The following DOCK9 variants were observed in gnomAD, a reference collection of about 807,000 sequenced individuals.
DOCK9 encodes dedicator of cytokinesis protein 9.
Under a neutral mutation model 263.3 loss-of-function variants are expected in DOCK9, and 89 were observed. That is an observed-to-expected ratio of 0.34 (90% CI 0.28 to 0.40). DOCK9 has a LOEUF of 0.40. DOCK9 is among the 10% of genes least tolerant of loss of function. The pLI, the probability that DOCK9 is intolerant of heterozygous loss-of-function variation, is 1.00. For synonymous variants in DOCK9, 976 were observed against 973.1 expected (o/e 1.00, Z -0.06); for missense variants, 2,140 against 2,603.4 (o/e 0.82, Z 3.87).
intron 1 of DOCK9, among the ~76,000 whole-genome samples, chr13:98,988,780 G>C (rs1048918497): frequency 1.3e-5 from 2 of 152,220 alleles, no homozygotes; most frequent in Non-Finnish European, 1.5e-5. Context: ...CATAAATGAA[G>C]CTCCTCATGG....
In DOCK9 at chr13:98,846,075, A is replaced by G. The variant is rs1566694043; in HGVS notation, c.4062-15T>C. The G allele has an allele frequency of 6.4e-7, 1 of 1,559,842 alleles. No homozygotes were observed. Among genetic ancestry groups the G allele is most frequent in the African/African-American group, 1.4e-5 (1 of 73,784 alleles). On this transcript the variant is annotated splice_polypyrimidine_tract_variant and intron_variant, in intron 37 of 52. Transcript: ENST00000682017. Reference sequence around the variant, plus strand: ...CCTCCTGGTTCCTGCAACATGAGTGAAATGGGATAGAAGCAAAAGTTAGAC... The same window carrying G: ...CCTCCTGGTTCCTGCAACATGAGTGGAATGGGATAGAAGCAAAAGTTAGAC...
intron 9 of DOCK9, among the ~76,000 whole-genome samples, chr13:98,908,374 G>A (rs1470831317): frequency 6.6e-6 from 1 of 151,992 alleles, no homozygotes; most frequent in Non-Finnish European, 1.5e-5. Context: ...CCACATTGGG[G>A]AATTTCTCCT....
At chr13:99,024,206 G>A (rs191138179) in intron 1 of DOCK9, among the ~76,000 whole-genome samples, 2 of 152,154 alleles carry the variant, frequency 1.3e-5, no homozygotes, top group Non-Finnish European at 2.9e-5. Flanking sequence ...ACATCTGCAA[G>A]GGCTGATGGC....
At chr13:98,836,823 C>A (rs1385306340) in intron 39 of DOCK9, among the ~76,000 whole-genome samples, 1 of 152,140 alleles carries the variant, frequency 6.6e-6, no homozygotes, top group Admixed American at 6.5e-5. Flanking sequence ...TTCCCAAACA[C>A]CCTTGCAAAT....
At chr13:99,082,551 A>G (rs2042167471) in intron 1 of DOCK9, among the ~76,000 whole-genome samples, 1 of 115,170 alleles carries the variant, frequency 8.7e-6, no homozygotes, top group Non-Finnish European at 1.7e-5. Flanking sequence ...AAATAAATAA[A>G]TAAATAAATA....
intron 1 of DOCK9, among the ~76,000 whole-genome samples, chr13:99,016,289 C>T (rs1885403789): frequency 1.3e-5 from 2 of 152,202 alleles, no homozygotes; most frequent in Admixed American, 1.3e-4. Flanking sequence ...ATCTTTTGCA[C>T]GTATGGATAA....
intron 1 of DOCK9, among the ~76,000 whole-genome samples, chr13:99,074,639 G>C (rs986335518): frequency 3.3e-4 from 6 of 18,094 alleles, no homozygotes; most frequent in Non-Finnish European, 5.1e-4. Context: ...AACAACAGAT[G>C]AGCCAATCAA....
chr13:98,800,266 C>T (rs1238638452), intron 50 of DOCK9, 22 bp downstream of exon 50: 9 of 1,567,654 alleles, frequency 5.7e-6, no homozygotes, highest in African/African-American at 4.1e-5. Context: ...TGCTGCCCTC[C>T]GGCCTGCTGT....
chr13:98,814,533 G>A (rs536423303), intron 45 of DOCK9, among the ~76,000 whole-genome samples: 9 of 151,630 alleles, frequency 5.9e-5, no homozygotes, highest in African/African-American at 1.9e-4. Context: ...AGCCTCCCAA[G>A]TAGCTGGGAT....
chr13:98,865,079 G>C (rs1322994824), intron 30 of DOCK9, among the ~76,000 whole-genome samples: 1 of 152,100 alleles, frequency 6.6e-6, no homozygotes, highest in Non-Finnish European at 1.5e-5. Context: ...TTTTGAGAGA[G>C]GGTCTTGCTC....
intron 1 of DOCK9, among the ~76,000 whole-genome samples, chr13:99,044,833 C>A (rs1387029278): frequency 6.6e-6 from 1 of 152,200 alleles, no homozygotes; most frequent in East Asian, 1.9e-4. Context: ...CAGCCAGGTT[C>A]TTCCATCACA....
chr13:98,972,049 T>C (rs1405918195), intron 1 of DOCK9, among the ~76,000 whole-genome samples: 2 of 152,226 alleles, frequency 1.3e-5, no homozygotes, highest in Admixed American at 6.5e-5. Flanking sequence ...GAATCGTGCA[T>C]ATGTGTCCAG....
intron 18 of DOCK9, among the ~76,000 whole-genome samples, chr13:98,887,914 G>A (rs1345828763): frequency 1.3e-5 from 2 of 152,118 alleles, no homozygotes; most frequent in Non-Finnish European, 2.9e-5. Context: ...TTGCTGAATT[G>A]AGTGTGTATA....
chr13:99,018,115 T>C (rs1885649421), intron 1 of DOCK9, among the ~76,000 whole-genome samples: 1 of 152,160 alleles, frequency 6.6e-6, no homozygotes, highest in Admixed American at 6.5e-5. Flanking sequence ...AAAAGCAATG[T>C]TTTCTGGAGA....
intron 9 of DOCK9, among the ~76,000 whole-genome samples, chr13:98,907,740 A>G (rs1196466378): frequency 6.6e-6 from 1 of 152,362 alleles, no homozygotes; most frequent in East Asian, 1.9e-4. Context: ...AAGATGATGC[A>G]TTAAACACAG....
chr13:98,950,690 T>C (rs1267294662), intron 2 of DOCK9, among the ~76,000 whole-genome samples: 11 of 152,230 alleles, frequency 7.2e-5, no homozygotes, highest in Non-Finnish European at 1.3e-4. Flanking sequence ...GAAATATGAA[T>C]GGTAGCTTAA....
chr13:98,940,912 A>T (rs2055723361), intron 2 of DOCK9, among the ~76,000 whole-genome samples: 1 of 152,202 alleles, frequency 6.6e-6, no homozygotes, highest in Admixed American at 6.5e-5. Flanking sequence ...ATCTGATAGC[A>T]TCATGCCTCA....
chr13:99,057,749 A>T (rs1043190489), intron 1 of DOCK9, among the ~76,000 whole-genome samples: 5 of 152,240 alleles, frequency 3.3e-5, no homozygotes, highest in African/African-American at 1.2e-4. Flanking sequence ...AAGCATAGAT[A>T]AGCAATCCAG....
chr13:99,010,195 C>G (rs1020164210), intron 1 of DOCK9, among the ~76,000 whole-genome samples: 3 of 152,202 alleles, frequency 2.0e-5, no homozygotes, highest in Non-Finnish European at 2.9e-5. Flanking sequence ...CGAGCAAGTT[C>G]TTCCACTTCA....
Sources: allele counts gnomAD v4.1 joint callset (sites outside exome capture counted in the v4.1 genomes callset), GRCh38; gene constraint gnomAD v4.1.1; transcripts MANE v1.5; gene names NCBI Gene and HGNC (gene_info 2026-07-23, HGNC 2026-07-21).